Variants in TBC1D4 observed in about 807,000 individuals in gnomAD.
TBC1D4 encodes TBC (Tre-2, BUB2, CDC16) domain-containing protein.
In TBC1D4, 121 loss-of-function variants were observed where a neutral mutation model predicts 142.5. The observed-to-expected ratio is 0.85, with a 90% confidence interval of 0.73 to 0.99. TBC1D4 has a LOEUF of 0.99. Ranked by LOEUF, TBC1D4 falls within the 50% of genes least tolerant of loss-of-function variation. The probability of loss-of-function intolerance (pLI) is 0.00; values close to 1 mark genes in which losing one functional copy is unlikely to be tolerated. For missense variants in TBC1D4, 1,475 were observed against 1,606.6 expected, an observed-to-expected ratio of 0.92 and a Z score of 1.40; for synonymous variants, 630 against 628.2, an observed-to-expected ratio of 1.00 and a Z score of -0.04.
At chr13:75,344,182 C>G (rs1425191058) in intron 5 of TBC1D4, among the ~76,000 whole-genome samples, 2 of 152,150 alleles carry the variant, frequency 1.3e-5, no homozygotes, top group African/African-American at 4.8e-5. Context: ...GGGAAAGTCT[C>G]CTTCAGAGGC....
At chr13:75,324,838 C>T (rs1192702216) in intron 10 of TBC1D4, among the ~76,000 whole-genome samples, 1 of 152,160 alleles carries the variant, frequency 6.6e-6, no homozygotes, top group East Asian at 1.9e-4. Context: ...TATTTAAGAA[C>T]AACATGTTTG....
At chr13:75,386,254 G>A (rs1884159684) in intron 1 of TBC1D4, among the ~76,000 whole-genome samples, 1 of 152,096 alleles carries the variant, frequency 6.6e-6, no homozygotes, top group Non-Finnish European at 1.5e-5. Flanking sequence ...AGTAGCTCTG[G>A]AAAAGAATGC....
chr13:75,375,983 A>G (rs1050227377), intron 1 of TBC1D4: 1 of 152,200 alleles, frequency 6.6e-6, no homozygotes, highest in Non-Finnish European at 1.5e-5. Context: ...CAACAGGAAC[A>G]ACCTGTATTC....
At position 75,481,506 on chromosome 13, in the gene TBC1D4, C is replaced by T; in HGVS notation, c.262G>A (p.Ala88Thr). Residue 88 changes from alanine to threonine, a missense_variant, in exon 1 of 21, where the codon GCG (alanine) becomes ACG (threonine). Around this residue, in one of 2 missense-constraint regions of TBC1D4, gnomAD observed 1,227 missense variants for 1,267.7 expected, o/e 0.97. Coordinates refer to ENST00000377636, the MANE Select transcript of TBC1D4 (RefSeq NM_014832.5). ...GCGGGGACGCAACGCAGGAAGGGCGCGCTGAGCACCAGGATCACCTCTCGG... is the reference window on the plus strand; with the variant it reads ...GCGGGGACGCAACGCAGGAAGGGCGTGCTGAGCACCAGGATCACCTCTCGG... ...AAREVILVLS[A>T]PFLRCVPAPG... 5 of 1,612,152 alleles carry T rather than the reference C, an allele frequency of 3.1e-6. No individual in the cohort carries two copies. The highest frequency in any genetic ancestry group is 4.2e-6 in the Non-Finnish European group (5 of 1,178,968).
chr13:75,301,832 GCAGTGTGTC>G (rs1406867826), intron 16 of TBC1D4, among the ~76,000 whole-genome samples: 1 of 152,120 alleles, frequency 6.6e-6, no homozygotes, highest in Non-Finnish European at 1.5e-5. Context: ...ATTGTTTTCA[GCAGTGTGTC>G]CAGGAATACC....
intron 1 of TBC1D4, among the ~76,000 whole-genome samples, chr13:75,474,226 A>C (rs928935236): frequency 6.6e-6 from 1 of 152,242 alleles, no homozygotes; most frequent in African/African-American, 2.4e-5. Context: ...AAGACCAACA[A>C]CTAAAAACTA....
At chr13:75,345,814 G>T (rs142586720) in intron 5 of TBC1D4, among the ~76,000 whole-genome samples, 1 of 151,976 alleles carries the variant, frequency 6.6e-6, no homozygotes. Context: ...ATGTCTACAC[G>T]GAGTCCTTTG....
intron 15 of TBC1D4, among the ~76,000 whole-genome samples, chr13:75,303,209 C>T (rs758846360): frequency 7.2e-5 from 11 of 151,880 alleles, no homozygotes; most frequent in South Asian, 4.1e-4. Context: ...CTCAGCTACT[C>T]GCGAGGCTGA....
intron 1 of TBC1D4, among the ~76,000 whole-genome samples, chr13:75,370,682 T>C (rs1883175559): frequency 6.6e-6 from 1 of 152,004 alleles, no homozygotes; most frequent in African/African-American, 2.4e-5. Flanking sequence ...GCTTAAGAGA[T>C]CAGGAGCCGC....
intron 5 of TBC1D4, among the ~76,000 whole-genome samples, chr13:75,344,652 C>T (rs1881007574): frequency 1.3e-5 from 2 of 152,094 alleles, no homozygotes; most frequent in African/African-American, 2.4e-5. Flanking sequence ...GATGCCACCC[C>T]CTCAATTCAC....
chr13:75,341,217 C>A lies in TBC1D4; in HGVS notation c.1519G>T (p.Asp507Tyr). Residue 507 changes from aspartate to tyrosine, a missense_variant, in exon 7 of 21, where the codon GAC becomes TAC. Physicochemically the swap from Asp to Tyr is radical, Grantham distance 160 (BLOSUM62 -3). Around this residue, in one of 2 missense-constraint regions of TBC1D4, gnomAD observed 1,227 missense variants for 1,267.7 expected, o/e 0.97. Coordinates refer to ENST00000377636, the MANE Select transcript of TBC1D4 (RefSeq NM_014832.5). ...ERVQKMKPVS[D>Y]QEENELVILH... The stretch of plus-strand genomic sequence containing the variant: ...ATCACAAGTTCATTTTCTTCCTGGT[C>A]ACTGACTGGCTTCATTTTCTGTTCA... 6.2e-7 allele frequency: 1 copy of A among 1,613,718 alleles called. No individual in the cohort carries two copies. The highest frequency in any genetic ancestry group is 1.1e-5 in the South Asian group (1 of 90,988).
intron 7 of TBC1D4, 78 bp downstream of exon 7, chr13:75,341,047 C>A (rs1258905018): frequency 7.8e-7 from 1 of 1,288,168 alleles, no homozygotes; most frequent in Admixed American, 1.7e-5. Context: ...CCCTAAAGAA[C>A]CTGAGAGTAC....
intron 7 of TBC1D4, among the ~76,000 whole-genome samples, chr13:75,339,334 C>A (rs1442492471): frequency 3.3e-5 from 5 of 151,998 alleles, no homozygotes; most frequent in Non-Finnish European, 5.9e-5. Flanking sequence ...ATAAATAAAT[C>A]TACCATCAGA....
At position 75,306,316 on chromosome 13, in the gene TBC1D4, C is replaced by A. The variant is rs745653179; in HGVS notation, c.2749G>T (p.Glu917Ter). Reference protein sequence around the residue: ...DMEDIHTLLKEGVPKSRRGEI... With the variant: ...DMEDIHTLLK ...TTACTGAGATTATCCCAAATACCTT[C>A]TTTAAGAAGAGTATGAATATCTTCC... Residue 917 changes from glutamate (E) to a stop codon, truncating the protein, a stop_gained, in exon 15 of 21, where the codon GAA becomes TAA. Transcript: ENST00000377636. LOFTEE classifies it high-confidence loss of function. The A allele has an allele frequency of 6.2e-7, 1 of 1,609,150 alleles. No individual in the cohort carries two copies. Among genetic ancestry groups the A allele is most frequent in the Admixed American group, 1.7e-5 (1 of 59,788 alleles).
rs373718502 is a variant in TBC1D4 at position 75,324,231 on chromosome 13, T to C, written c.2198+6A>G. 1.7e-4 allele frequency: 280 copies of C among 1,613,754 alleles called. No individual in the cohort carries two copies. The African/African-American group carries it at 3.3e-3, about 19-fold the overall frequency. On this transcript the variant is annotated splice_donor_region_variant and intron_variant, in intron 11 of 20. Transcript: ENST00000377636. Reference sequence around the variant, plus strand: ...TTGCTTTGCAAACAGAGGACACTGATCTCACCTGATTTCATTTTCATACTG... The same window carrying C: ...TTGCTTTGCAAACAGAGGACACTGACCTCACCTGATTTCATTTTCATACTG...
rs200017368 is a variant in TBC1D4, at chr13:75,287,031, TG to T, written c.3664-7del. ...TGGATTTTAGTATGAGCTACCTGTT[TG>T]GGGGGGAAAAAATCCTCCAAATCAA... On this transcript the variant is annotated splice_region_variant and splice_polypyrimidine_tract_variant and intron_variant, in intron 20 of 20. Coordinates refer to ENST00000377636, the MANE Select transcript of TBC1D4 (RefSeq NM_014832.5). The T allele has an allele frequency of 3.9e-5, 63 of 1,600,456 alleles. No homozygotes were observed. Among genetic ancestry groups the T allele is most frequent in the Middle Eastern group, 1.6e-4 (1 of 6,076 alleles).
chr13:75,403,261 G>A (rs1279887689), intron 1 of TBC1D4, among the ~76,000 whole-genome samples: 1 of 152,180 alleles, frequency 6.6e-6, no homozygotes, highest in Non-Finnish European at 1.5e-5. Context: ...AAAAGTGTGT[G>A]GGGTTTTTGC....
In TBC1D4 at chr13:75,417,879, T is replaced by G. The variant is rs114607118; in HGVS notation, c.499-55272A>C. 4.1e-3 allele frequency among the ~76,000 whole-genome samples: 631 copies of G among 152,272 alleles called. 9 individuals carry two copies. The highest frequency in any genetic ancestry group is 0.015 in the African/African-American group (614 of 41,542). On this transcript the variant is annotated intron_variant, in intron 1 of 20. Transcript: ENST00000377636. ...CAGTCCTATGTTCACATCGTGCCAA[T>G]TACTAGTTATGCAATCTTGAGTAAG...
chr13:75,398,285 A>G (rs1884904638), intron 1 of TBC1D4, among the ~76,000 whole-genome samples: 1 of 152,210 alleles, frequency 6.6e-6, no homozygotes, highest in Admixed American at 6.5e-5. Context: ...CAAGACAAAA[A>G]TCAGAATCTA....
Sources: allele counts gnomAD v4.1 joint callset (sites outside exome capture counted in the v4.1 genomes callset), GRCh38; gene constraint gnomAD v4.1.1; regional missense constraint gnomAD v4.1.1; transcripts MANE v1.5; gene names NCBI Gene and HGNC (gene_info 2026-07-23, HGNC 2026-07-21).